Variants in RHCE observed in about 807,000 individuals in gnomAD.
The protein encoded by RHCE is blood group Rh(CE) polypeptide.
A neutral mutation model predicts 43.8 loss-of-function variants in RHCE; 22 were observed. The ratio of observed to expected loss-of-function variants is 0.50; its 90% CI spans 0.36 to 0.72. RHCE has a LOEUF of 0.72. RHCE is among the 30% of genes least tolerant of loss of function. RHCE has a pLI of 0.00. For synonymous variants in RHCE, 156 were observed against 210.7 expected (o/e 0.74, Z 2.25); for missense variants, 385 against 525.4 (o/e 0.73, Z 2.61).
chr1:25,388,825 C>G, intron 6 of RHCE, 151 bp downstream of exon 6: 1 of 1,332,564 alleles, frequency 7.5e-7, no homozygotes, highest in South Asian at 1.2e-5. Context: ...GCCACCGAGC[C>G]AGGATGGATC....
intron 1 of RHCE, 84 bp downstream of exon 1, chr1:25,420,555 T>C (rs1352514474): frequency 3.1e-6 from 5 of 1,612,726 alleles, no homozygotes; most frequent in African/African-American, 1.3e-5. Context: ...GAAAGGAACA[T>C]CTGTGCCCCT....
chr1:25,393,379 G>C (rs1416871511), intron 3 of RHCE, among the ~76,000 whole-genome samples: 1 of 152,164 alleles, frequency 6.6e-6, no homozygotes, highest in East Asian at 1.9e-4. Flanking sequence ...TCAGCACTTT[G>C]GGAGGCTGAG....
At position 25,402,702 on chromosome 1, in the gene RHCE, G is replaced by A. The variant is rs1053346; in HGVS notation, c.380C>T (p.Ala127Val). The change falls in exon 3 of 10, where the codon GCG (alanine) becomes GTG (valine). Residue 127 changes from alanine to valine, a missense_variant. By Grantham distance (64) the Ala-to-Val change is moderately conservative. Transcript: ENST00000294413. ...TMSAMSVLISAGAVLGKVNLA... is the reference protein window; with the variant it reads ...TMSAMSVLISVGAVLGKVNLA... ...GTTGACCTTCCCCAAGACAGCACCC[G>A]CTGAGATCAGCACCGACATAGCACT... The A allele has an allele frequency of 2.7e-5, 44 of 1,614,028 alleles. No homozygotes were observed. Among genetic ancestry groups the A allele is most frequent in the South Asian group, 1.3e-4 (12 of 91,076 alleles).
At chr1:25,371,732 C>T (rs1311216928) in intron 8 of RHCE, among the ~76,000 whole-genome samples, 1 of 151,338 alleles carries the variant, frequency 6.6e-6, no homozygotes, top group African/African-American at 2.5e-5. Context: ...TCCAGCTTCC[C>T]GAAGCTGGCT....
chr1:25,391,978 C>T lies in RHCE; in HGVS notation c.634+16G>A. ...TCAGCCCAAGTATGAGACCACTCACCCCACCTTGTCCTTACCCAGCATGGC... is the reference window on the plus strand; with the variant it reads ...TCAGCCCAAGTATGAGACCACTCACTCCACCTTGTCCTTACCCAGCATGGC... On this transcript the variant is annotated intron_variant, in intron 4 of 9. Coordinates refer to ENST00000294413, the MANE Select transcript of RHCE (RefSeq NM_020485.8). 1 of 1,613,424 alleles carries T rather than the reference C, an allele frequency of 6.2e-7. No individual in the cohort carries two copies.
intron 1 of RHCE, chr1:25,419,686 A>G (rs1257918233): frequency 1.3e-5 from 2 of 148,826 alleles, no homozygotes; most frequent in African/African-American, 5.0e-5. Flanking sequence ...CAGTTGTCTC[A>G]TCACAGTCTG....
At chr1:25,369,127 G>A (rs1214569709) in intron 9 of RHCE, among the ~76,000 whole-genome samples, 1 of 151,792 alleles carries the variant, frequency 6.6e-6, no homozygotes, top group Admixed American at 6.6e-5. Flanking sequence ...AAGAAGAAGA[G>A]AAAGGAGAGG....
intron 1 of RHCE, among the ~76,000 whole-genome samples, chr1:25,419,452 C>A (rs910871591): frequency 6.6e-6 from 1 of 152,144 alleles, no homozygotes; most frequent in East Asian, 1.9e-4. Context: ...ACTGCCATGG[C>A]CCCCAGGATG....
intron 1 of RHCE, among the ~76,000 whole-genome samples, chr1:25,414,277 T>G (rs1647211770): frequency 6.6e-6 from 1 of 152,166 alleles, no homozygotes; most frequent in South Asian, 2.1e-4. Flanking sequence ...CCTCTGTGAT[T>G]CTGGATCTGC....
chr1:25,385,689 G>C (rs777636466), intron 7 of RHCE, 22 bp downstream of exon 7: 13 of 1,613,828 alleles, frequency 8.1e-6, no homozygotes, highest in African/African-American at 2.7e-5. Context: ...TAAGGGGATG[G>C]GGGGTAAGCC....
At chr1:25,372,828 A>G (rs1645654338) in intron 8 of RHCE, among the ~76,000 whole-genome samples, 1 of 151,664 alleles carries the variant, frequency 6.6e-6, no homozygotes, top group South Asian at 2.1e-4. Flanking sequence ...TTTTTGAGAC[A>G]GGGTCTTGCT....
At chr1:25,413,479 G>C (rs1363163254) in intron 1 of RHCE, among the ~76,000 whole-genome samples, 1 of 152,248 alleles carries the variant, frequency 6.6e-6, no homozygotes, top group Admixed American at 6.5e-5. Context: ...GTGTTCAGGG[G>C]TGATAAGAAG....
intron 2 of RHCE, among the ~76,000 whole-genome samples, chr1:25,405,356 TCAAA>T (rs1467291309): frequency 6.6e-6 from 1 of 152,082 alleles, no homozygotes; most frequent in Admixed American, 6.6e-5. Flanking sequence ...AGACCCTGTC[TCAAA>T]CACAGTTTTA....
Position 25,413,619 on chromosome 1 carries a change from G to A in RHCE, c.149-4750C>T, listed in dbSNP as rs1289593376. ...AAGTCTAACCTGGTAGTTCAGCAGC[G>A]AGAGATAAGGCAATACTCACCATTG... On this transcript the variant is annotated intron_variant, in intron 1 of 9. Transcript: ENST00000294413. Among the ~76,000 whole-genome samples the A allele has an allele frequency of 2.6e-5, 4 of 151,908 alleles. No homozygotes were observed. The East Asian group carries it at 5.8e-4, about 22-fold the overall frequency.
chr1:25,394,964 C>A (rs1187312460), intron 3 of RHCE, among the ~76,000 whole-genome samples: 1 of 149,674 alleles, frequency 6.7e-6, no homozygotes, highest in Non-Finnish European at 1.5e-5. Context: ...AAAATGAATA[C>A]TGAAAATCAG....
At chr1:25,410,596 C>A (rs1647043431) in intron 1 of RHCE, among the ~76,000 whole-genome samples, 1 of 151,884 alleles carries the variant, frequency 6.6e-6, no homozygotes, top group Non-Finnish European at 1.5e-5. Flanking sequence ...CCACGCCTGG[C>A]TAATTTTTGG....
At chr1:25,367,819 CAAA>C (rs1645472071) in intron 9 of RHCE, among the ~76,000 whole-genome samples, 1 of 146,588 alleles carries the variant, frequency 6.8e-6, no homozygotes. Context: ...CAAAAAAATA[CAAA>C]AATTAGCCTG....
chr1:25,420,610 C>T, intron 1 of RHCE, 29 bp downstream of exon 1: 1 of 1,613,954 alleles, frequency 6.2e-7, no homozygotes, highest in South Asian at 1.1e-5. Context: ...CTATTTGCTC[C>T]TGTGACCACT....
At chr1:25,397,129 A>AG (rs1646572077) in intron 3 of RHCE, among the ~76,000 whole-genome samples, 1 of 148,720 alleles carries the variant, frequency 6.7e-6, no homozygotes, top group Non-Finnish European at 1.5e-5. Flanking sequence ...AAAAAAAAAA[A>AG]AAAAGAAATG....
Sources: gnomAD v4.1 joint callset for allele counts (sites outside exome capture counted in the v4.1 genomes callset) on GRCh38, gnomAD v4.1.1 for gene constraint, MANE v1.5 for transcripts, NCBI Gene and HGNC (gene_info 2026-07-23, HGNC 2026-07-21) for gene names.